DOCK8: variants seen among roughly 807,000 people sequenced by gnomAD.
The protein encoded by DOCK8 is dedicator of cytokinesis 8, also known as dedicator of cytokinesis protein 8.
Under a neutral mutation model 245.6 loss-of-function variants are expected in DOCK8, and 141 were observed. The ratio of observed to expected loss-of-function variants is 0.57; its 90% CI spans 0.50 to 0.66. DOCK8 has a LOEUF of 0.66. Ranked by LOEUF, DOCK8 falls within the 30% of genes least tolerant of loss-of-function variation. The pLI is 0.00. For synonymous variants in DOCK8, 1,168 were observed against 970.2 expected, an observed-to-expected ratio of 1.20 and a Z score of -3.79; for missense variants, 2,965 against 2,603.4, an observed-to-expected ratio of 1.14 and a Z score of -3.02.
Position 235,992 on chromosome 9 carries a change from G to A in DOCK8, c.53+20963G>A, listed in dbSNP as rs900808888. On this transcript the variant is annotated intron_variant, in intron 1 of 47. Transcript: ENST00000432829. ...GCAGAAATCACCCGTATTCTGTGTC[G>A]CTCACGCTGGGAGCTGTAGACTGGA... Among the ~76,000 whole-genome samples, 5 of 152,170 alleles carry A rather than the reference G, an allele frequency of 3.3e-5. No individual in the cohort carries two copies. The East Asian group carries it at 5.8e-4, about 18-fold the overall frequency.
intron 11 of DOCK8, among the ~76,000 whole-genome samples, chr9:334,663 C>T (rs147542593): frequency 2.4e-3 from 366 of 152,132 alleles, no homozygotes; most frequent in African/African-American, 8.4e-3. Context: ...GCTAGCCACC[C>T]GCTCTCAAAA....
At chr9:280,093 A>G (rs1469494522) in intron 2 of DOCK8, among the ~76,000 whole-genome samples, 2 of 151,934 alleles carry the variant, frequency 1.3e-5, no homozygotes, top group African/African-American at 4.8e-5. Flanking sequence ...ACCCTTTGTC[A>G]GGAGAAATAG....
intron 28 of DOCK8, 94 bp downstream of exon 28, chr9:407,163 ACT>A (rs2055469591): frequency 6.4e-7 from 1 of 1,571,108 alleles, no homozygotes; most frequent in Non-Finnish European, 8.7e-7. Context: ...TTGGTAAAAA[ACT>A]CTACTGTAGT....
intron 14 of DOCK8, among the ~76,000 whole-genome samples, chr9:365,122 C>T (rs772062149): frequency 6.6e-6 from 1 of 152,174 alleles, no homozygotes; most frequent in African/African-American, 2.4e-5. Context: ...GGACCCATGA[C>T]GAAAAGTTTG....
chr9:249,868 C>T (rs1238003161), intron 1 of DOCK8, among the ~76,000 whole-genome samples: 5 of 151,784 alleles, frequency 3.3e-5, no homozygotes, highest in South Asian at 2.1e-4. Context: ...CCTCAAGCGA[C>T]GCCCCCGCCT....
intron 15 of DOCK8, chr9:368,531 C>T (rs1004751082): frequency 5.9e-5 from 30 of 507,610 alleles, no homozygotes; most frequent in African/African-American, 3.8e-4. Flanking sequence ...CAGTGTTACA[C>T]ACTTACTCAA....
rs554426266 is a variant in DOCK8, at chr9:289,767, C to G, written c.404+186C>G. On this transcript the variant is annotated intron_variant, in intron 4 of 47. Coordinates refer to ENST00000432829, the MANE Select transcript of DOCK8 (RefSeq NM_203447.4). The stretch of plus-strand genomic sequence containing the variant: ...ACACAGTTCCCCCTATTATGAACAT[C>G]TCACTTTAGTGTGGTACATTTGTTA... Among the ~76,000 whole-genome samples the G allele has an allele frequency of 1.1e-4, 17 of 152,298 alleles. No individual in the cohort carries two copies. In the South Asian group the frequency reaches 1.7e-3, roughly 15 times the overall value.
intron 2 of DOCK8, among the ~76,000 whole-genome samples, chr9:281,732 T>G (rs552602569): frequency 6.6e-6 from 1 of 152,276 alleles, no homozygotes; most frequent in East Asian, 1.9e-4. Context: ...AACAGAAATC[T>G]TTTTTAGTTC....
intron 1 of DOCK8, among the ~76,000 whole-genome samples, chr9:221,225 C>G (rs1441164488): frequency 6.6e-6 from 1 of 152,054 alleles, no homozygotes; most frequent in Non-Finnish European, 1.5e-5. Flanking sequence ...TGATTAAACC[C>G]AAGATTAGAA....
At chr9:355,441 A>G (rs2052390065) in intron 14 of DOCK8, among the ~76,000 whole-genome samples, 1 of 151,844 alleles carries the variant, frequency 6.6e-6, no homozygotes, top group African/African-American at 2.4e-5. Context: ...TGACCCTGTG[A>G]TCTACCCACC....
chr9:396,656 C>G, intron 24 of DOCK8, 129 bp from the exon 25 acceptor site: 1 of 1,322,160 alleles, frequency 7.6e-7, no homozygotes, highest in East Asian at 2.3e-5. Flanking sequence ...GCTCGGGCAC[C>G]ACCAGCACAG....
At chr9:399,012 C>G (rs1028478313) in intron 25 of DOCK8, 134 bp from the exon 26 acceptor site, 2 of 767,892 alleles carry the variant, frequency 2.6e-6, no homozygotes, top group Non-Finnish European at 4.5e-6. Flanking sequence ...GACTCAACTA[C>G]TTCGCCCAGT....
At chr9:384,047 ATGCCATATTACATTTTGCAGTCT>A (rs2053841483) in intron 22 of DOCK8, among the ~76,000 whole-genome samples, 1 of 152,160 alleles carries the variant, frequency 6.6e-6, no homozygotes, top group Admixed American at 6.5e-5. Flanking sequence ...CCCATTCTGA[ATGCCATATTACATTTTGCAGTCT>A]TGCCTCCATA....
chr9:354,267 G>C (rs1217175453), intron 14 of DOCK8, among the ~76,000 whole-genome samples: 1 of 152,214 alleles, frequency 6.6e-6, no homozygotes, highest in African/African-American at 2.4e-5. Context: ...GAGAGGTGGA[G>C]GTTGCAGTGG....
At position 304,694 on chromosome 9, in the gene DOCK8, C is replaced by T. The variant is rs764296473; in HGVS notation, c.518C>T (p.Pro173Leu). Residue 173 changes from proline (P) to leucine (L), a missense_variant, in exon 5 of 48, where the codon CCC becomes CTC. This residue lies in a region of DOCK8 where 2,825 missense variants were observed against 2,453.5 expected (regional missense o/e 1.15). Transcript: ENST00000432829. ...FESETLECSEPAAQAGPRHLN... is the reference protein window; with the variant it reads ...FESETLECSELAAQAGPRHLN... ...TCGGAAACCTTGGAGTGCAGTGAAC[C>T]CGCTGCTCAGGTATTTCCTGTCAAC... is the stretch of plus-strand genomic sequence containing the variant. The T allele has an allele frequency of 6.2e-7, 1 of 1,614,102 alleles. No individual in the cohort carries two copies. The highest frequency in any genetic ancestry group is 1.3e-5 in the African/African-American group (1 of 75,024).
chr9:413,373 C>A (rs1466474278), intron 28 of DOCK8, among the ~76,000 whole-genome samples: 1 of 151,764 alleles, frequency 6.6e-6, no homozygotes, highest in Non-Finnish European at 1.5e-5. Flanking sequence ...ATGACACACT[C>A]GAAAGTATGA....
chr9:315,338 T>G (rs1027077404), intron 6 of DOCK8, among the ~76,000 whole-genome samples: 1 of 152,208 alleles, frequency 6.6e-6, no homozygotes, highest in Non-Finnish European at 1.5e-5. Flanking sequence ...TGGGAATTAG[T>G]TGCCATTTCA....
At position 317,104 on chromosome 9, in the gene DOCK8, T is replaced by G. The variant is rs770040157; in HGVS notation, c.803T>G (p.Ile268Arg). The G allele has an allele frequency of 2.4e-5, 38 of 1,613,824 alleles. No homozygotes were observed. Among genetic ancestry groups the G allele is most frequent in the South Asian group, 3.3e-5 (3 of 91,066 alleles). Reference sequence around the variant, plus strand: ...CCCAAGGAACACCTGGGCAACAGAATATTGGTCAAGTTGCTGACCTTGAAG... The same window carrying G: ...CCCAAGGAACACCTGGGCAACAGAAGATTGGTCAAGTTGCTGACCTTGAAG... ...ECPKEHLGNRILVKLLTLKFE... is the reference protein window; with the variant it reads ...ECPKEHLGNRRLVKLLTLKFE... Residue 268 changes from isoleucine (I) to arginine (R), a missense_variant, in exon 7 of 48, where the codon ATA becomes AGA. Ile to Arg is a moderately conservative substitution (Grantham distance 97). This residue lies in a region of DOCK8 where 2,825 missense variants were observed against 2,453.5 expected (regional missense o/e 1.15). Coordinates refer to ENST00000432829, the MANE Select transcript of DOCK8 (RefSeq NM_203447.4).
At chr9:232,531 T>A (rs1490383849) in intron 1 of DOCK8, among the ~76,000 whole-genome samples, 1 of 152,202 alleles carries the variant, frequency 6.6e-6, no homozygotes, top group African/African-American at 2.4e-5. Context: ...GGTCCTGGAC[T>A]CTTTTTGGTT....
Sources: gnomAD v4.1 joint callset for allele counts (sites outside exome capture counted in the v4.1 genomes callset) on GRCh38, gnomAD v4.1.1 for gene constraint, gnomAD v4.1.1 regional missense constraint, MANE v1.5 for transcripts, NCBI Gene and HGNC (gene_info 2026-07-23, HGNC 2026-07-21) for gene names.